Variants in ANKIB1 observed in about 807,000 individuals in gnomAD.
ANKIB1 encodes the protein ankyrin repeat and IBR domain containing 1, also known as ankyrin repeat and IBR domain-containing protein 1.
A neutral mutation model predicts 122.1 loss-of-function variants in ANKIB1; 43 were observed. The ratio of observed to expected loss-of-function variants is 0.35; its 90% confidence interval spans 0.28 to 0.45. The LOEUF (loss-of-function observed/expected upper bound fraction) is 0.45, where lower values mean the gene tolerates loss of function less well. Among genes scored for constraint, ANKIB1 ranks in the 20% least tolerant of loss-of-function variants. The pLI, the probability that ANKIB1 is intolerant of heterozygous loss-of-function variation, is 1.00. For missense variants in ANKIB1, 992 were observed against 1,329.5 expected, an observed-to-expected ratio of 0.75 and a Z score of 3.95; for synonymous variants, 390 against 442.0, an observed-to-expected ratio of 0.88 and a Z score of 1.48.
At chr7:92,272,115 A>G (rs1411274216) in intron 1 of ANKIB1, among the ~76,000 whole-genome samples, 1 of 152,186 alleles carries the variant, frequency 6.6e-6, no homozygotes, top group African/African-American at 2.4e-5. Flanking sequence ...TTGCACAACA[A>G]TGTGCATATA....
rs186678681 is a variant in ANKIB1, at chr7:92,303,342, A to G, written c.189-4017A>G. On this transcript the variant is annotated intron_variant, in intron 2 of 19. Transcript: ENST00000265742. The stretch of plus-strand genomic sequence containing the variant: ...CTTTGAGAGTCACATTGGCACTCAA[A>G]ACATTTCAGATTTTGGAGCATTTCA... Among the ~76,000 whole-genome samples the G allele has an allele frequency of 1.9e-4, 29 of 152,342 alleles. 1 individual carries two copies. The East Asian group carries it at 4.4e-3, about 23-fold the overall frequency.
chr7:92,331,486 C>T (rs1803172766), intron 5 of ANKIB1, among the ~76,000 whole-genome samples: 1 of 151,856 alleles, frequency 6.6e-6, no homozygotes, highest in South Asian at 2.1e-4. Context: ...TTTGGCCAGG[C>T]TGGTCTGGAA....
intron 17 of ANKIB1, among the ~76,000 whole-genome samples, chr7:92,395,010 G>A (rs891215374): frequency 2.6e-5 from 4 of 152,110 alleles, no homozygotes; most frequent in Non-Finnish European, 4.4e-5. Flanking sequence ...AGGGTAACCA[G>A]GATAATCATA....
At chr7:92,293,110 ACTTAG>A (rs1802285095) in intron 1 of ANKIB1, among the ~76,000 whole-genome samples, 1 of 152,172 alleles carries the variant, frequency 6.6e-6, no homozygotes, top group Non-Finnish European at 1.5e-5. Context: ...TTACTCTGAT[ACTTAG>A]CTGCAGGGCA....
At chr7:92,330,388 A>G (rs1431491283) in intron 5 of ANKIB1, among the ~76,000 whole-genome samples, 1 of 152,172 alleles carries the variant, frequency 6.6e-6, no homozygotes, top group African/African-American at 2.4e-5. Flanking sequence ...AATAGATAAT[A>G]AGCCAAAAAT....
chr7:92,345,480 A>G (rs969283312), intron 7 of ANKIB1, among the ~76,000 whole-genome samples: 46 of 152,346 alleles, frequency 3.0e-4, no homozygotes, highest in African/African-American at 9.6e-4. Flanking sequence ...GATGTTTAAA[A>G]TTTCTTTTTA....
intron 1 of ANKIB1, among the ~76,000 whole-genome samples, chr7:92,266,162 A>G (rs918244226): frequency 2.0e-5 from 3 of 152,206 alleles, no homozygotes; most frequent in Non-Finnish European, 2.9e-5. Flanking sequence ...GAAACAGGGA[A>G]GTATTTCAGA....
At chr7:92,353,673 AT>A (rs1803713750) in intron 9 of ANKIB1, among the ~76,000 whole-genome samples, 1 of 152,228 alleles carries the variant, frequency 6.6e-6, no homozygotes, top group African/African-American at 2.4e-5. Flanking sequence ...AGTTAAAAGT[AT>A]TTATTGAACT....
At chr7:92,350,104 TC>T (rs1197685421) in intron 7 of ANKIB1, among the ~76,000 whole-genome samples, 2 of 152,004 alleles carry the variant, frequency 1.3e-5, no homozygotes, top group African/African-American at 4.8e-5. Context: ...GGGCATTTTT[TC>T]CTCACTACTC....
intron 5 of ANKIB1, among the ~76,000 whole-genome samples, chr7:92,338,134 G>A (rs1441543103): frequency 3.3e-5 from 5 of 152,080 alleles, no homozygotes; most frequent in Admixed American, 1.3e-4. Flanking sequence ...ATTAAGGCTA[G>A]GTGTAGTGGC....
intron 2 of ANKIB1, among the ~76,000 whole-genome samples, chr7:92,296,812 A>G (rs969366059): frequency 9.9e-5 from 15 of 152,168 alleles, no homozygotes; most frequent in African/African-American, 3.4e-4. Context: ...GAATTTATGA[A>G]TGAGAAAAAT....
At chr7:92,314,443 A>G (rs1802752088) in intron 3 of ANKIB1, among the ~76,000 whole-genome samples, 1 of 152,242 alleles carries the variant, frequency 6.6e-6, no homozygotes, top group African/African-American at 2.4e-5. Context: ...TGCTACTCAA[A>G]AGAATCGTCC....
At chr7:92,283,491 C>T (rs1437173849) in intron 1 of ANKIB1, among the ~76,000 whole-genome samples, 1 of 152,154 alleles carries the variant, frequency 6.6e-6, no homozygotes, top group Non-Finnish European at 1.5e-5. Context: ...AGACTAAGAC[C>T]TCTTTGCTCC....
intron 3 of ANKIB1, among the ~76,000 whole-genome samples, chr7:92,311,692 G>T (rs528697801): frequency 6.6e-6 from 1 of 151,756 alleles, no homozygotes; most frequent in Non-Finnish European, 1.5e-5. Flanking sequence ...CCATCTCCCT[G>T]TAATAATTAT....
chr7:92,384,788 A>C (rs1011384409), intron 11 of ANKIB1, among the ~76,000 whole-genome samples: 1 of 152,244 alleles, frequency 6.6e-6, no homozygotes, highest in Non-Finnish European at 1.5e-5. Flanking sequence ...AAACCGTAGA[A>C]GAAAAGCTAG....
intron 5 of ANKIB1, among the ~76,000 whole-genome samples, chr7:92,337,029 A>G (rs1283683557): frequency 6.6e-6 from 1 of 152,190 alleles, no homozygotes; most frequent in Non-Finnish European, 1.5e-5. Flanking sequence ...GTAAATAATG[A>G]TAATTGTTCC....
At chr7:92,259,839 T>G (rs1801523008) in intron 1 of ANKIB1, among the ~76,000 whole-genome samples, 1 of 152,158 alleles carries the variant, frequency 6.6e-6, no homozygotes, top group African/African-American at 2.4e-5. Context: ...CATTCTTATT[T>G]TTGTCTTCTC....
intron 5 of ANKIB1, among the ~76,000 whole-genome samples, chr7:92,337,274 A>G (rs537748375): frequency 1.3e-5 from 2 of 152,340 alleles, no homozygotes; most frequent in African/African-American, 4.8e-5. Flanking sequence ...TGAATAGATA[A>G]TTGAAATTCT....
At chr7:92,278,155 G>A (rs1293947865) in intron 1 of ANKIB1, among the ~76,000 whole-genome samples, 2 of 152,172 alleles carry the variant, frequency 1.3e-5, no homozygotes, top group South Asian at 2.1e-4. Context: ...GGAGGCTAAG[G>A]TGGGAAGAGT....
Sources: allele counts gnomAD v4.1 joint callset (sites outside exome capture counted in the v4.1 genomes callset), GRCh38; gene constraint gnomAD v4.1.1; transcripts MANE v1.5; gene names NCBI Gene and HGNC (gene_info 2026-07-23, HGNC 2026-07-21).